Variants in XRRA1 observed in about 807,000 individuals in gnomAD.
XRRA1 encodes X-ray radiation resistance associated 1, also known as X-ray radiation resistance-associated protein 1.
In XRRA1, 69 loss-of-function variants were observed where a neutral mutation model predicts 80.2. The ratio of observed to expected loss-of-function variants is 0.86; its 90% CI spans 0.71 to 1.05. The LOEUF (loss-of-function observed/expected upper bound fraction) is 1.05. Ranked by LOEUF, XRRA1 falls within the 50% of genes least tolerant of loss-of-function variation. The pLI, the probability that XRRA1 is intolerant of heterozygous loss-of-function variation, is 0.00. For synonymous variants in XRRA1, 348 were observed against 389.9 expected (o/e 0.89, Z 1.27); for missense variants, 967 against 976.4 (o/e 0.99, Z 0.13).
At chr11:74,940,946 C>G (rs990470780) in intron 2 of XRRA1, 64 bp from the exon 3 acceptor site, 4 of 1,262,334 alleles carry the variant, frequency 3.2e-6, no homozygotes. Context: ...AGCACTCTTA[C>G]TCCAGTGCAG....
chr11:74,856,892 C>T (rs1239035087), intron 12 of XRRA1, among the ~76,000 whole-genome samples: 2 of 152,110 alleles, frequency 1.3e-5, no homozygotes, highest in Non-Finnish European at 2.9e-5. Context: ...AAAATTAAAA[C>T]CCACTACTCC....
chr11:74,882,262 A>C (rs1208385243), intron 10 of XRRA1, among the ~76,000 whole-genome samples: 2 of 151,488 alleles, frequency 1.3e-5, no homozygotes, highest in Admixed American at 6.6e-5. Context: ...CATTCATTTC[A>C]TCTTCCATCG....
chr11:74,858,384 A>G (rs2041602207), intron 12 of XRRA1, among the ~76,000 whole-genome samples: 1 of 152,192 alleles, frequency 6.6e-6, no homozygotes, highest in Non-Finnish European at 1.5e-5. Context: ...CACTATATAT[A>G]AAGATTAAGT....
At chr11:74,946,512 C>T (rs772845120) in intron 1 of XRRA1, among the ~76,000 whole-genome samples, 3 of 152,134 alleles carry the variant, frequency 2.0e-5, no homozygotes, top group Admixed American at 1.3e-4. Flanking sequence ...CTTCCCTTTC[C>T]GCCATGATTG....
intron 10 of XRRA1, among the ~76,000 whole-genome samples, chr11:74,878,404 T>G (rs1347134262): frequency 1.8e-4 from 27 of 151,844 alleles, no homozygotes; most frequent in Middle Eastern, 3.4e-3. Flanking sequence ...TTTCTCCCAT[T>G]TTGTAGGTTG....
At chr11:74,928,879 A>G (rs1942872936) in intron 6 of XRRA1, among the ~76,000 whole-genome samples, 1 of 152,260 alleles carries the variant, frequency 6.6e-6, no homozygotes, top group East Asian at 1.9e-4. Context: ...ACCAATGACT[A>G]TACTTCCACA....
At chr11:74,891,974 A>C (rs979815420) in intron 10 of XRRA1, among the ~76,000 whole-genome samples, 1 of 152,236 alleles carries the variant, frequency 6.6e-6, no homozygotes, top group Non-Finnish European at 1.5e-5. Context: ...AAATGGCCAT[A>C]CTGCCCAAGG....
At chr11:74,880,760 A>G (rs1329160311) in intron 10 of XRRA1, among the ~76,000 whole-genome samples, 71 of 151,272 alleles carry the variant, frequency 4.7e-4, no homozygotes, top group African/African-American at 1.6e-3. Flanking sequence ...GTTTCCATGT[A>G]GTTGAGCGGT....
At chr11:74,913,257 G>A (rs142381456) in intron 8 of XRRA1, among the ~76,000 whole-genome samples, 4 of 152,296 alleles carry the variant, frequency 2.6e-5, no homozygotes, top group African/African-American at 7.2e-5. Flanking sequence ...GAATCCCTGA[G>A]GTAATTGCAG....
At chr11:74,931,227 C>T (rs1565431508) in intron 5 of XRRA1, among the ~76,000 whole-genome samples, 1 of 152,000 alleles carries the variant, frequency 6.6e-6, no homozygotes, top group East Asian at 1.9e-4. Context: ...TATCATTCTG[C>T]AACCTGCCTT....
At chr11:74,943,697 C>T (rs74419195) in intron 2 of XRRA1, among the ~76,000 whole-genome samples, 14,575 of 151,998 alleles carry the variant, frequency 0.096, 952 homozygotes, top group Non-Finnish European at 0.13. Context: ...GGAAAGTCTG[C>T]CTTATACGTG....
chr11:74,899,230 C>T (rs925639416), intron 10 of XRRA1, among the ~76,000 whole-genome samples: 2 of 151,924 alleles, frequency 1.3e-5, no homozygotes, highest in East Asian at 3.8e-4. Flanking sequence ...ATGGACACAA[C>T]ATACCAAAAC....
chr11:74,891,769 C>T (rs926938779), intron 10 of XRRA1, among the ~76,000 whole-genome samples: 2 of 152,128 alleles, frequency 1.3e-5, no homozygotes, highest in African/African-American at 4.8e-5. Flanking sequence ...AACAGACAAA[C>T]AGAGAGCCAA....
At chr11:74,902,720 C>G (rs950732671) in intron 10 of XRRA1, among the ~76,000 whole-genome samples, 1 of 151,802 alleles carries the variant, frequency 6.6e-6, no homozygotes, top group South Asian at 2.1e-4. Context: ...AAAATCAAAA[C>G]AATTGAACTC....
intron 10 of XRRA1, among the ~76,000 whole-genome samples, chr11:74,895,234 G>GAGAC (rs1286982635): frequency 6.6e-6 from 1 of 152,236 alleles, no homozygotes; most frequent in Non-Finnish European, 1.5e-5. Context: ...ATGTGGTGCA[G>GAGAC]AGACAGAATC....
intron 8 of XRRA1, among the ~76,000 whole-genome samples, chr11:74,909,630 C>G (rs1319085269): frequency 6.6e-6 from 1 of 152,138 alleles, no homozygotes; most frequent in African/African-American, 2.4e-5. Flanking sequence ...AGACAGATGT[C>G]TAGCTTCAGA....
intron 1 of XRRA1, among the ~76,000 whole-genome samples, 160 bp from the exon 2 acceptor site, chr11:74,945,245 C>G (rs566103500): frequency 6.6e-6 from 1 of 152,040 alleles, no homozygotes; most frequent in Non-Finnish European, 1.5e-5. Flanking sequence ...GATACCAATA[C>G]AGAGATGGAG....
intron 10 of XRRA1, among the ~76,000 whole-genome samples, chr11:74,883,955 T>C (rs1565317560): frequency 6.6e-6 from 1 of 152,136 alleles, no homozygotes; most frequent in Non-Finnish European, 1.5e-5. Flanking sequence ...CGCAGCACTT[T>C]GGGAGGCTGA....
intron 10 of XRRA1, among the ~76,000 whole-genome samples, chr11:74,873,812 A>G (rs954216013): frequency 1.3e-5 from 2 of 152,196 alleles, no homozygotes; most frequent in Admixed American, 1.3e-4. Context: ...TTAGGGGAAG[A>G]AAGGAGTAAG....
Sources: gnomAD v4.1 joint callset for allele counts (sites outside exome capture counted in the v4.1 genomes callset) on GRCh38, gnomAD v4.1.1 for gene constraint, MANE v1.5 for transcripts, NCBI Gene and HGNC (gene_info 2026-07-23, HGNC 2026-07-21) for gene names.